The following ST6GALNAC6 variants were observed in gnomAD, a reference collection of about 807,000 sequenced individuals.
ST6GALNAC6 encodes the protein ST6 N-acetylgalactosaminide alpha-2,6-sialyltransferase 6.
In ST6GALNAC6, 19 loss-of-function variants were observed where a neutral mutation model predicts 34.3. The ratio of observed to expected loss-of-function variants is 0.55; its 90% CI spans 0.39 to 0.81. ST6GALNAC6 has a LOEUF of 0.81. ST6GALNAC6 is among the 40% of genes least tolerant of loss of function. The probability of loss-of-function intolerance (pLI) is 0.00; values close to 1 mark genes in which losing one functional copy is unlikely to be tolerated. For synonymous variants in ST6GALNAC6, 185 were observed against 182.1 expected, an observed-to-expected ratio of 1.02 and a Z score of -0.13; for missense variants, 377 against 467.7, an observed-to-expected ratio of 0.81 and a Z score of 1.79.
In ST6GALNAC6 at chr9:127,885,600, G is replaced by A. The variant is rs1829709997; in HGVS notation, c.*999C>T. ...CAGCTCCCGACAGCCATCCCAGGAC[G>A]ACAGAGGGTCGAGGGAGACCCTCGG... On this transcript the variant is annotated 3_prime_UTR_variant, in exon 7 of 7. Coordinates refer to ENST00000373146, the MANE Select transcript of ST6GALNAC6 (RefSeq NM_013443.5). 1 of 152,288 alleles carries A rather than the reference G, an allele frequency of 6.6e-6. No individual in the cohort carries two copies. Among genetic ancestry groups the A allele is most frequent in the Non-Finnish European group, 1.5e-5 (1 of 68,134 alleles). 9.4% of individuals were successfully genotyped at this position (152,288 alleles called of 1,614,324 possible). A position where few individuals can be genotyped will look rare whatever the true frequency, so the allele number is the denominator to read the frequency against.
upstream of ST6GALNAC6, among the ~76,000 whole-genome samples, chr9:127,901,894 T>C (rs187331385): frequency 1.2e-3 from 182 of 152,228 alleles, 1 homozygote; most frequent in African/African-American, 3.7e-3. Context: ...ATCGTGCCGC[T>C]GCACTCCAGC....
intron 5 of ST6GALNAC6, among the ~76,000 whole-genome samples, chr9:127,888,504 C>CAA (rs143037868): frequency 5.7e-4 from 34 of 59,540 alleles, no homozygotes; most frequent in African/African-American, 1.4e-3. Context: ...ACTCCTTCTC[C>CAA]AAAAAAAAAA....
At chr9:127,896,998 G>A in intron 2 of ST6GALNAC6, 2 of 962,822 alleles carry the variant, frequency 2.1e-6, no homozygotes, top group Non-Finnish European at 2.5e-6. Context: ...ACTCAAGTCT[G>A]AGAGGCTCGG....
At chr9:127,894,988 A>G (rs1338676519) in intron 3 of ST6GALNAC6, among the ~76,000 whole-genome samples, 3 of 152,030 alleles carry the variant, frequency 2.0e-5, no homozygotes, top group African/African-American at 7.2e-5. Context: ...GTTCTCCGGG[A>G]GGGTTTGCTG....
intron 4 of ST6GALNAC6, among the ~76,000 whole-genome samples, chr9:127,891,969 T>C (rs1408586043): frequency 6.6e-6 from 1 of 151,882 alleles, no homozygotes; most frequent in East Asian, 1.9e-4. Flanking sequence ...CTGACCAACA[T>C]GGAGAAACCC....
intron 5 of ST6GALNAC6, among the ~76,000 whole-genome samples, chr9:127,888,349 C>A (rs1173952505): frequency 6.6e-6 from 1 of 151,278 alleles, no homozygotes; most frequent in Non-Finnish European, 1.5e-5. Context: ...ACTAAAAATA[C>A]AAAAATTAGC....
intron 4 of ST6GALNAC6, among the ~76,000 whole-genome samples, chr9:127,892,681 G>T (rs4836587): frequency 0.9 from 136,486 of 152,166 alleles, 62,013 homozygotes; most frequent in South Asian, 0.98. Context: ...TGTTTCTTAG[G>T]TTGCTTTTTA....
chr9:127,895,405 C>T (rs561424392), intron 3 of ST6GALNAC6, among the ~76,000 whole-genome samples: 102 of 152,338 alleles, frequency 6.7e-4, no homozygotes, highest in African/African-American at 2.4e-3. Flanking sequence ...ATCACAGCTT[C>T]TCCGAAGTCC....
chr9:127,897,614 G>A (rs537784127), intron 2 of ST6GALNAC6, among the ~76,000 whole-genome samples: 1 of 152,268 alleles, frequency 6.6e-6, no homozygotes, highest in East Asian at 1.9e-4. Flanking sequence ...GCGGTACAGA[G>A]CAGAAAACGG....
chr9:127,891,041 T>A lies in ST6GALNAC6; in HGVS notation c.300A>T (p.Thr100=). ...DGYVPILGNK[T]LPSRCHQCVI... is the part of the protein sequence containing the mutation. Reference sequence around the variant, plus strand: ...CACACTGGTGGCACCGAGAGGGCAGTGTCTGGTGGATAAGGAAAGTCAACA... The same window carrying A: ...CACACTGGTGGCACCGAGAGGGCAGAGTCTGGTGGATAAGGAAAGTCAACA... Residue 100 remains threonine, a splice_region_variant and synonymous_variant, in exon 5 of 7, where the codon ACA becomes ACT. Coordinates refer to ENST00000373146, the MANE Select transcript of ST6GALNAC6 (RefSeq NM_013443.5). 1 of 1,612,968 alleles carries A rather than the reference T, an allele frequency of 6.2e-7. No individual in the cohort carries two copies. Among genetic ancestry groups the A allele is most frequent in the Non-Finnish European group, 8.5e-7 (1 of 1,179,596 alleles).
At position 127,886,618 on chromosome 9, in the gene ST6GALNAC6, GAGA is replaced by G; in HGVS notation, c.980_982del (p.Phe327del). 1 of 1,613,932 alleles carries G rather than the reference GAGA, an allele frequency of 6.2e-7. No homozygotes were observed. The highest frequency in any genetic ancestry group is 1.1e-5 in the South Asian group (1 of 91,056). On this transcript the variant is annotated inframe_deletion, in exon 7 of 7. Coordinates refer to ENST00000373146, the MANE Select transcript of ST6GALNAC6 (RefSeq NM_013443.5). ...GGTGGCCTAGGTCCAGGAGGGGTGGGAGAAGGTGATGCCATACAGCTGGGCCCA... is the reference window on the plus strand; with the variant it reads ...GGTGGCCTAGGTCCAGGAGGGGTGGGAGGTGATGCCATACAGCTGGGCCCA...
intron 5 of ST6GALNAC6, among the ~76,000 whole-genome samples, chr9:127,889,048 A>G (rs1829970028): frequency 1.3e-5 from 2 of 152,194 alleles, no homozygotes; most frequent in African/African-American, 4.8e-5. Flanking sequence ...CAAAGAGTCT[A>G]CAAAAATCTC....
chr9:127,897,165 C>T (rs1373298526), intron 2 of ST6GALNAC6: 6 of 985,510 alleles, frequency 6.1e-6, no homozygotes, highest in Non-Finnish European at 7.2e-6. Context: ...CTCTTCCTCT[C>T]CCACAACCAA....
At position 127,887,497 on chromosome 9, in the gene ST6GALNAC6, G is replaced by T; in HGVS notation, c.799C>A (p.Pro267Thr). ...DHVHVYGMVP[P>T]NYCSQRPRLQ... is the part of the protein sequence containing the mutation. ...AGGAGGGCTCACCTGCAGTAGTTGG[G>T]GGGGACCATGCCATAGACATGCACG... The change falls in exon 6 of 7, where the codon CCC (proline) becomes ACC (threonine). Residue 267 changes from proline to threonine, a missense_variant. Coordinates refer to ENST00000373146, the MANE Select transcript of ST6GALNAC6 (RefSeq NM_013443.5). 6.2e-7 allele frequency: 1 copy of T among 1,611,924 alleles called. No homozygotes were observed.
At position 127,887,493 on chromosome 9, in the gene ST6GALNAC6, T is replaced by C. The variant is rs1383808063; in HGVS notation, c.803A>G (p.Asn268Ser). ...HVHVYGMVPP[N>S]YCSQRPRLQR... ...GGCAAGGAGGGCTCACCTGCAGTAG[T>C]TGGGGGGGACCATGCCATAGACATG... The change falls in exon 6 of 7, where the codon AAC (asparagine) becomes AGC (serine). Residue 268 changes from asparagine (N) to serine (S), a missense_variant. Physicochemically the swap from Asn to Ser is conservative, Grantham distance 46. Coordinates refer to ENST00000373146, the MANE Select transcript of ST6GALNAC6 (RefSeq NM_013443.5). 2 of 1,611,452 alleles carry C rather than the reference T, an allele frequency of 1.2e-6. No homozygotes were observed. The highest frequency in any genetic ancestry group is 2.2e-5 in the East Asian group (1 of 44,844).
intron 5 of ST6GALNAC6, among the ~76,000 whole-genome samples, chr9:127,889,431 TTC>T (rs1313847767): frequency 3.6e-4 from 43 of 120,194 alleles, no homozygotes; most frequent in Admixed American, 1.1e-4. Context: ...AAAAATCAAT[TTC>T]TCTTTTTTTT....
At chr9:127,887,455 C>T in intron 6 of ST6GALNAC6, 29 bp downstream of exon 6, 1 of 1,588,148 alleles carries the variant, frequency 6.3e-7, no homozygotes, top group Admixed American at 1.7e-5. Flanking sequence ...GGGTGTTGTC[C>T]TGGGAGGGCG....
intron 5 of ST6GALNAC6, among the ~76,000 whole-genome samples, chr9:127,888,450 G>A (rs1829919242): frequency 6.8e-6 from 1 of 145,996 alleles, no homozygotes; most frequent in Non-Finnish European, 1.5e-5. Context: ...GTTGCAGTGA[G>A]CCGAGATCGC....
Position 127,887,499 on chromosome 9 carries a change from G to A in ST6GALNAC6, c.797C>T (p.Pro266Leu). 1 of 1,612,136 alleles carries A rather than the reference G, an allele frequency of 6.2e-7. No individual in the cohort carries two copies. Among genetic ancestry groups the A allele is most frequent in the African/African-American group, 1.3e-5 (1 of 75,006 alleles). Residue 266 changes from proline to leucine, a missense_variant, in exon 6 of 7, where the codon CCC (proline) becomes CTC (leucine). Pro to Leu is a moderately conservative substitution (Grantham distance 98, BLOSUM62 -3). Coordinates refer to ENST00000373146, the MANE Select transcript of ST6GALNAC6 (RefSeq NM_013443.5). Reference sequence around the variant, plus strand: ...GAGGGCTCACCTGCAGTAGTTGGGGGGGACCATGCCATAGACATGCACGTG... The same window carrying A: ...GAGGGCTCACCTGCAGTAGTTGGGGAGGACCATGCCATAGACATGCACGTG... ...CDHVHVYGMV[P>L]PNYCSQRPRL...
Sources: allele counts gnomAD v4.1 joint callset (sites outside exome capture counted in the v4.1 genomes callset), GRCh38; gene constraint gnomAD v4.1.1; transcripts MANE v1.5; gene names NCBI Gene and HGNC (gene_info 2026-07-23, HGNC 2026-07-21).